TNFSF14: variants seen among roughly 807,000 people sequenced by gnomAD.
TNFSF14 encodes tumor necrosis factor ligand superfamily member 14.
Under a neutral mutation model 22.7 loss-of-function variants are expected in TNFSF14, and 15 were observed. The ratio of observed to expected loss-of-function variants is 0.66; its 90% CI spans 0.44 to 1.02. The LOEUF (loss-of-function observed/expected upper bound fraction) is 1.02, where lower values mean the gene tolerates loss of function less well. Ranked by LOEUF, TNFSF14 falls within the 50% of genes least tolerant of loss-of-function variation. The probability of loss-of-function intolerance (pLI) is 0.00; values close to 1 mark genes in which losing one functional copy is unlikely to be tolerated. For missense variants in TNFSF14, 287 were observed against 326.2 expected, an observed-to-expected ratio of 0.88 and a Z score of 0.93; for synonymous variants, 133 against 139.6, an observed-to-expected ratio of 0.95 and a Z score of 0.33.
chr19:6,662,749 C>G lies in TNFSF14; in HGVS notation c.*2177G>C, dbSNP rs1289673046. The G allele has an allele frequency of 6.6e-6, 1 of 152,258 alleles. No homozygotes were observed. The highest frequency in any genetic ancestry group is 1.5e-5 in the Non-Finnish European group (1 of 68,070). The allele number at this position is 152,258 out of a possible 1,614,324, so 9.4% of individuals were successfully genotyped here. ...ATTTGTATGCATATCATTATCTGCC[C>G]CCACCCAACCCACCAGCTCCCTGTG... On this transcript the variant is annotated 3_prime_UTR_variant, in exon 4 of 4. Coordinates refer to ENST00000675206, the MANE Select transcript of TNFSF14 (RefSeq NM_001376887.1).
chr19:6,663,405 AT>A lies in TNFSF14; in HGVS notation c.*1520del, dbSNP rs1568200290. The stretch of plus-strand genomic sequence containing the variant: ...TTGTCATCGTGATGTTGTGTGTGTA[AT>A]GTGTGTTTGTCATCGTGATGTTGTG... On this transcript the variant is annotated 3_prime_UTR_variant, in exon 4 of 4. Transcript: ENST00000675206. The A allele has an allele frequency of 7.3e-6, 1 of 136,180 alleles. No homozygotes were observed. Among genetic ancestry groups the A allele is most frequent in the East Asian group, 2.1e-4 (1 of 4,660 alleles). The allele number at this position is 136,180 out of a possible 1,614,324, so 8.4% of individuals were successfully genotyped here. A position where few individuals can be genotyped will look rare whatever the true frequency, so the allele number is the denominator to read the frequency against.
chr19:6,666,698 C>T (rs1917437093), intron 3 of TNFSF14, among the ~76,000 whole-genome samples: 1 of 152,142 alleles, frequency 6.6e-6, no homozygotes. Context: ...GAGTTTGAGA[C>T]CAGCCTGGCC....
intron 1 of TNFSF14, among the ~76,000 whole-genome samples, chr19:6,668,664 C>T (rs532538842): frequency 4.2e-4 from 64 of 151,906 alleles, no homozygotes; most frequent in Non-Finnish European, 8.8e-4. Flanking sequence ...GCCAAGACTG[C>T]ACCACTACAC....
At chr19:6,667,350 G>A (rs1369453640) in intron 2 of TNFSF14, 63 bp downstream of exon 2, 4 of 1,496,590 alleles carry the variant, frequency 2.7e-6, no homozygotes, top group African/African-American at 1.5e-5. Flanking sequence ...GCAATTGACC[G>A]AGGGGTGGGG....
intron 3 of TNFSF14, among the ~76,000 whole-genome samples, chr19:6,666,490 CT>C (rs1400535996): frequency 2.6e-5 from 4 of 152,148 alleles, no homozygotes; most frequent in African/African-American, 7.2e-5. Context: ...CAGTTTCCCT[CT>C]CTGTAAAATG....
At chr19:6,668,368 T>C (rs1568203520) in intron 1 of TNFSF14, among the ~76,000 whole-genome samples, 1 of 151,482 alleles carries the variant, frequency 6.6e-6, no homozygotes, top group Non-Finnish European at 1.5e-5. Flanking sequence ...GTCTCTAAGA[T>C]AAATAAATAT....
Position 6,667,497 on chromosome 19 carries a change from C to T in TNFSF14, c.220-48G>A, listed in dbSNP as rs201722351. The T allele has an allele frequency of 9.7e-5, 152 of 1,562,508 alleles. 1 individual carries two copies. Among genetic ancestry groups the T allele is most frequent in the Admixed American group, 7.1e-4 (33 of 46,478 alleles). ...CGGTAAGAACCTGCAGCGGGGGCCA[C>T]GCCCTCGCATTGCTCACACATGGCT... On this transcript the variant is annotated intron_variant, in intron 1 of 3. Transcript: ENST00000675206.
intron 2 of TNFSF14, 50 bp from the exon 3 acceptor site, chr19:6,667,204 G>T: frequency 6.6e-7 from 1 of 1,514,040 alleles, no homozygotes; most frequent in Non-Finnish European, 8.8e-7. Flanking sequence ...GAGGTAAAAA[G>T]CCAGCCTCCT....
intron 3 of TNFSF14, among the ~76,000 whole-genome samples, chr19:6,665,823 G>T (rs1157138699): frequency 6.7e-6 from 1 of 150,224 alleles, no homozygotes; most frequent in African/African-American, 2.5e-5. Flanking sequence ...GTGTGTGTTT[G>T]TAGAGGTGGG....
At position 6,662,389 on chromosome 19, in the gene TNFSF14, C is replaced by G. The variant is rs961380071; in HGVS notation, c.*2537G>C. Reference sequence around the variant, plus strand: ...AATCTGTACTGTTGTTCCTCTCCCCCCACAACCATCTTGCCGATGGGGAAA... The same window carrying G: ...AATCTGTACTGTTGTTCCTCTCCCCGCACAACCATCTTGCCGATGGGGAAA... On this transcript the variant is annotated 3_prime_UTR_variant, in exon 4 of 4. Transcript: ENST00000675206. 6.6e-6 allele frequency: 1 copy of G among 152,182 alleles called. No individual in the cohort carries two copies. Among genetic ancestry groups the G allele is most frequent in the Non-Finnish European group, 1.5e-5 (1 of 68,028 alleles). The allele number at this position is 152,182 out of a possible 1,614,324, so 9.4% of individuals were successfully genotyped here.
In TNFSF14 at chr19:6,664,876, C is replaced by A. The variant is rs1436308141; in HGVS notation, c.*50G>T. The A allele has an allele frequency of 6.5e-7, 1 of 1,531,134 alleles. No homozygotes were observed. Among genetic ancestry groups the A allele is most frequent in the Non-Finnish European group, 8.8e-7 (1 of 1,135,734 alleles). 94.8% of individuals were successfully genotyped at this position (1,531,134 alleles called of 1,614,324 possible). On this transcript the variant is annotated 3_prime_UTR_variant, in exon 4 of 4. Coordinates refer to ENST00000675206, the MANE Select transcript of TNFSF14 (RefSeq NM_001376887.1). This position sits in a 1 kb window ranked among gnomAD's most constrained non-coding sequence, Gnocchi z 4.7. ...AGTTTTCTTTCCCCTGAGGCACCCT[C>A]TGAGTTCTCCACGTGTCAGACCCAT... is the stretch of plus-strand genomic sequence containing the variant.
At chr19:6,669,352 G>A (rs1010614990) in intron 1 of TNFSF14, among the ~76,000 whole-genome samples, 3 of 152,006 alleles carry the variant, frequency 2.0e-5, no homozygotes, top group Non-Finnish European at 2.9e-5. Flanking sequence ...GCGTGGTGGC[G>A]CATGCCTGTA....
In TNFSF14 at chr19:6,661,747, T is replaced by A. The variant is rs571285380; in HGVS notation, c.*3179A>T. 6.6e-6 allele frequency: 1 copy of A among 152,238 alleles called. No individual in the cohort carries two copies. Among genetic ancestry groups the A allele is most frequent in the Non-Finnish European group, 1.5e-5 (1 of 68,060 alleles). 9.4% of individuals were successfully genotyped at this position (152,238 alleles called of 1,614,324 possible). A position where few individuals can be genotyped will look rare whatever the true frequency, so the allele number is the denominator to read the frequency against. On this transcript the variant is annotated 3_prime_UTR_variant, in exon 4 of 4. Coordinates refer to ENST00000675206, the MANE Select transcript of TNFSF14 (RefSeq NM_001376887.1). ...CATTGGAATTACAGGCATGAGCCAC[T>A]GCACCCAGCCGACATCACCATCCTT...
intron 3 of TNFSF14, among the ~76,000 whole-genome samples, chr19:6,665,702 C>A (rs562963100): frequency 2.0e-5 from 3 of 152,216 alleles, no homozygotes; most frequent in African/African-American, 7.2e-5. Flanking sequence ...AGCCACCACG[C>A]CCGGCCTCAC....
chr19:6,669,418 G>T (rs779263972), intron 1 of TNFSF14, among the ~76,000 whole-genome samples: 6 of 152,318 alleles, frequency 3.9e-5, no homozygotes, highest in Admixed American at 3.9e-4. Context: ...GGGAGGCAGA[G>T]GTTGCGGTGA....
Position 6,662,320 on chromosome 19 carries a change from C to G in TNFSF14, c.*2606G>C, listed in dbSNP as rs150312686. 6.8e-3 allele frequency: 1,030 copies of G among 152,366 alleles called. 8 individuals are homozygous for G. The highest frequency in any genetic ancestry group is 0.023 in the African/African-American group (944 of 41,528). The allele number at this position is 152,366 out of a possible 1,614,324, so 9.4% of individuals were successfully genotyped here. A position where few individuals can be genotyped will look rare whatever the true frequency, so the allele number is the denominator to read the frequency against. On this transcript the variant is annotated 3_prime_UTR_variant, in exon 4 of 4. Transcript: ENST00000675206. ...TGCTGGGATTACAGGTATGAGCCAC[C>G]ACGCCCGGCCTAGATTTTGGAGCAT...
In TNFSF14 at chr19:6,670,046, G is replaced by T; in HGVS notation, c.24C>A (p.Pro8=). Residue 8 remains proline, a synonymous_variant, in exon 1 of 4, where the codon CCC becomes CCA. Coordinates refer to ENST00000675206, the MANE Select transcript of TNFSF14 (RefSeq NM_001376887.1). The part of the protein sequence containing the change: MEESVVR[P]SVFVVDGQTD... Reference sequence around the variant, plus strand: ...TCTGTCCATCCACCACAAACACTGAGGGCCGTACGACACTCTCCTCCATGC... The same window carrying T: ...TCTGTCCATCCACCACAAACACTGATGGCCGTACGACACTCTCCTCCATGC... The T allele has an allele frequency of 6.2e-7, 1 of 1,614,180 alleles. No homozygotes were observed. Among genetic ancestry groups the T allele is most frequent in the Non-Finnish European group, 8.5e-7 (1 of 1,180,028 alleles).
In TNFSF14 at chr19:6,665,302, G is replaced by A. The variant is rs1432441908; in HGVS notation, c.347C>T (p.Thr116Ile). The A allele has an allele frequency of 8.1e-6, 13 of 1,611,128 alleles. No homozygotes were observed. The highest frequency in any genetic ancestry group is 9.3e-6 in the Non-Finnish European group (11 of 1,179,108). The change falls in exon 4 of 4, where the codon ACT (threonine) becomes ATT (isoleucine). Residue 116 changes from threonine (T) to isoleucine (I), a missense_variant. Coordinates refer to ENST00000675206, the MANE Select transcript of TNFSF14 (RefSeq NM_001376887.1). ...CCTCAGGAAGGCCAGGCCCAGCTGAGTCTCCCATAACAGCGGCCCCCCGCT... is the reference window on the plus strand; with the variant it reads ...CCTCAGGAAGGCCAGGCCCAGCTGAATCTCCCATAACAGCGGCCCCCCGCT... The part of the protein sequence containing the change: ...TGSGGPLLWE[T>I]QLGLAFLRGL...
In TNFSF14 at chr19:6,665,232, G is replaced by T; in HGVS notation, c.417C>A (p.Gly139=). 1 of 1,614,140 alleles carries T rather than the reference G, an allele frequency of 6.2e-7. No homozygotes were observed. The highest frequency in any genetic ancestry group is 8.5e-7 in the Non-Finnish European group (1 of 1,180,028). The change falls in exon 4 of 4, where the codon GGC becomes GGA. Residue 139 remains glycine, a synonymous_variant. Coordinates refer to ENST00000675206, the MANE Select transcript of TNFSF14 (RefSeq NM_001376887.1). ...GCACCTTGGAGTAGATGTAGTAGTAGCCAGCTTTGGTGACCACAAGGGCCC... is the reference window on the plus strand; with the variant it reads ...GCACCTTGGAGTAGATGTAGTAGTATCCAGCTTTGGTGACCACAAGGGCCC... The part of the protein sequence containing the change: ...HDGALVVTKA[G]YYYIYSKVQL...
Sources: allele counts gnomAD v4.1 joint callset (sites outside exome capture counted in the v4.1 genomes callset), GRCh38; gene constraint gnomAD v4.1.1; non-coding constraint Gnocchi (gnomAD v3.1); transcripts MANE v1.5; gene names NCBI Gene and HGNC (gene_info 2026-07-23, HGNC 2026-07-21).